MAML3: variants seen among roughly 807,000 people sequenced by gnomAD.
The protein encoded by MAML3 is mastermind-like protein 3.
In MAML3, 27 loss-of-function variants were observed where a neutral mutation model predicts 101.9. That is an observed-to-expected ratio of 0.27 (90% CI 0.20 to 0.37). The LOEUF (loss-of-function observed/expected upper bound fraction) is 0.37, where lower values mean the gene tolerates loss of function less well. Ranked by LOEUF, MAML3 falls within the 10% of genes least tolerant of loss-of-function variation. The pLI, the probability that MAML3 is intolerant of heterozygous loss-of-function variation, is 1.00. For missense variants in MAML3, 1,316 were observed against 1,444.9 expected (o/e 0.91, Z 1.45); for synonymous variants, 501 against 555.9 (o/e 0.90, Z 1.39).
chr4:139,872,779 T>TA (rs5862442), intron 2 of MAML3, among the ~76,000 whole-genome samples: 117,996 of 151,870 alleles, frequency 0.78, 46,143 homozygotes, highest in African/African-American at 0.86. Flanking sequence ...GGTTTAGAGT[T>TA]AAAAAAATAA....
chr4:140,029,528 T>C (rs1176697535), intron 1 of MAML3, among the ~76,000 whole-genome samples: 2 of 152,210 alleles, frequency 1.3e-5, no homozygotes, highest in African/African-American at 4.8e-5. Context: ...TTTCACCTTG[T>C]ATTGTAGCAC....
At chr4:139,825,719 C>T (rs907296626) in intron 2 of MAML3, among the ~76,000 whole-genome samples, 4 of 151,358 alleles carry the variant, frequency 2.6e-5, no homozygotes, top group Admixed American at 6.6e-5. Context: ...TCTCTCATCA[C>T]GTCACTGACC....
At chr4:139,756,370 A>G (rs1179164656) in intron 2 of MAML3, among the ~76,000 whole-genome samples, 1 of 152,158 alleles carries the variant, frequency 6.6e-6, no homozygotes, top group East Asian at 1.9e-4. Context: ...AAGACACAGG[A>G]ACTAAAACCA....
chr4:139,806,804 T>C (rs1730708015), intron 2 of MAML3, among the ~76,000 whole-genome samples: 1 of 152,150 alleles, frequency 6.6e-6, no homozygotes, highest in Non-Finnish European at 1.5e-5. Flanking sequence ...ATAATATAGG[T>C]GAACAAAGTA....
intron 2 of MAML3, among the ~76,000 whole-genome samples, chr4:139,798,800 C>T (rs995352507): frequency 1.3e-5 from 2 of 152,186 alleles, no homozygotes; most frequent in African/African-American, 4.8e-5. Context: ...AACAAAATAG[C>T]AAATACTTTT....
At chr4:140,119,090 A>T (rs1728560924) in intron 1 of MAML3, among the ~76,000 whole-genome samples, 1 of 152,196 alleles carries the variant, frequency 6.6e-6, no homozygotes, top group South Asian at 2.1e-4. Context: ...TTCCCCAGAG[A>T]ATTCAAGGCA....
intron 1 of MAML3, among the ~76,000 whole-genome samples, chr4:139,917,878 T>C (rs529900623): frequency 6.6e-6 from 1 of 152,326 alleles, no homozygotes; most frequent in South Asian, 2.1e-4. Context: ...TTTATATCTC[T>C]TATTAAAATT....
At chr4:139,780,078 C>T (rs749948536) in intron 2 of MAML3, among the ~76,000 whole-genome samples, 22 of 152,330 alleles carry the variant, frequency 1.4e-4, no homozygotes, top group Non-Finnish European at 2.1e-4. Context: ...CTGTCCGAGG[C>T]GGTACCCACT....
intron 2 of MAML3, among the ~76,000 whole-genome samples, chr4:139,779,760 G>A (rs1462888419): frequency 1.3e-5 from 2 of 152,188 alleles, no homozygotes; most frequent in Non-Finnish European, 2.9e-5. Context: ...TGGCCAGATT[G>A]CTTTTTGGAA....
At chr4:140,103,002 C>T (rs1728277844) in intron 1 of MAML3, among the ~76,000 whole-genome samples, 2 of 152,144 alleles carry the variant, frequency 1.3e-5, no homozygotes, top group African/African-American at 4.8e-5. Context: ...TATTCTGTGG[C>T]CAAAGACTCC....
intron 2 of MAML3, among the ~76,000 whole-genome samples, chr4:139,786,391 T>C (rs1434302053): frequency 2.0e-5 from 3 of 152,094 alleles, no homozygotes; most frequent in African/African-American, 7.2e-5. Flanking sequence ...GGGGGATTGA[T>C]TTCAGGCATC....
chr4:139,997,051 G>A (rs896513117), intron 1 of MAML3, among the ~76,000 whole-genome samples: 24 of 150,480 alleles, frequency 1.6e-4, no homozygotes, highest in East Asian at 3.9e-4. Flanking sequence ...GCAAGACTCC[G>A]TCTCAAGAAA....
Position 139,719,262 on chromosome 4 carries a change from G to T in MAML3, c.*61C>A. ...AAAAACAAGGATGGGTCAACATCCTGTTTCTTTTTCACTTTTTAAGCTTTA... is the reference window on the plus strand; with the variant it reads ...AAAAACAAGGATGGGTCAACATCCTTTTTCTTTTTCACTTTTTAAGCTTTA... On this transcript the variant is annotated 3_prime_UTR_variant, in exon 5 of 5. Coordinates refer to ENST00000509479, the MANE Select transcript of MAML3 (RefSeq NM_018717.5). 2 of 1,507,234 alleles carry T rather than the reference G, an allele frequency of 1.3e-6. No individual in the cohort carries two copies. The highest frequency in any genetic ancestry group is 2.7e-5 in the South Asian group (2 of 73,836). The allele number at this position is 1,507,234 out of a possible 1,614,324, so 93.4% of individuals were successfully genotyped here.
chr4:140,035,715 G>A (rs969718090), intron 1 of MAML3, among the ~76,000 whole-genome samples: 1 of 151,830 alleles, frequency 6.6e-6, no homozygotes, highest in Admixed American at 6.6e-5. Context: ...CCCGGGAGGT[G>A]GAGGTTGCAG....
At position 139,758,247 on chromosome 4, in the gene MAML3, A is replaced by G. The variant is rs961456758; in HGVS notation, c.2080-27580T>C. ...GGGAGAGAGGCGTCTGCATTTCCTG[A>G]GGCTCCTGTCTAAATCACAGTTCTG... is the stretch of plus-strand genomic sequence containing the variant. On this transcript the variant is annotated intron_variant, in intron 2 of 4. Coordinates refer to ENST00000509479, the MANE Select transcript of MAML3 (RefSeq NM_018717.5). Among the ~76,000 whole-genome samples the G allele has an allele frequency of 1.3e-4, 20 of 152,178 alleles. No individual in the cohort carries two copies. In the East Asian group the frequency reaches 3.5e-3, roughly 26 times the overall value.
intron 1 of MAML3, among the ~76,000 whole-genome samples, chr4:140,126,897 T>C (rs1391378935): frequency 6.6e-6 from 1 of 152,198 alleles, no homozygotes; most frequent in Non-Finnish European, 1.5e-5. Flanking sequence ...CTCCTTAATA[T>C]ATTTTGAAAA....
intron 2 of MAML3, among the ~76,000 whole-genome samples, chr4:139,823,766 G>C (rs552847496): frequency 1.3e-5 from 2 of 151,224 alleles, no homozygotes; most frequent in South Asian, 4.3e-4. Context: ...CACAAGGGCA[G>C]AGTTCCTATT....
chr4:139,868,803 TTCTC>T (rs1317390117), intron 2 of MAML3, among the ~76,000 whole-genome samples: 1 of 152,278 alleles, frequency 6.6e-6, no homozygotes, highest in East Asian at 1.9e-4. Flanking sequence ...CTGGTAAAAT[TTCTC>T]TCTAAAAATC....
chr4:139,783,072 C>T (rs1029957711), intron 2 of MAML3, among the ~76,000 whole-genome samples: 2 of 152,132 alleles, frequency 1.3e-5, no homozygotes, highest in Non-Finnish European at 2.9e-5. Context: ...GCAGCTCCAG[C>T]AGGCATTTTG....
Sources: allele counts gnomAD v4.1 joint callset (sites outside exome capture counted in the v4.1 genomes callset), GRCh38; gene constraint gnomAD v4.1.1; transcripts MANE v1.5; gene names NCBI Gene and HGNC (gene_info 2026-07-23, HGNC 2026-07-21).